Variants in ALDH1L1 observed in about 807,000 individuals in gnomAD.
ALDH1L1 encodes the protein cytosolic 10-formyltetrahydrofolate dehydrogenase.
Under a neutral mutation model 101.1 loss-of-function variants are expected in ALDH1L1, and 68 were observed. That is an observed-to-expected ratio of 0.67 (90% CI 0.55 to 0.82). The LOEUF is 0.82. Among genes scored for constraint, ALDH1L1 ranks in the 40% least tolerant of loss-of-function variants. The probability of loss-of-function intolerance (pLI) is 0.00; values close to 1 mark genes in which losing one functional copy is unlikely to be tolerated. For synonymous variants in ALDH1L1, 486 were observed against 470.8 expected (o/e 1.03, Z -0.42); for missense variants, 1,087 against 1,172.7 (o/e 0.93, Z 1.07).
At chr3:126,135,240 G>A (rs2080405933) in intron 12 of ALDH1L1, 1 of 282,608 alleles carries the variant, frequency 3.5e-6, no homozygotes, top group African/African-American at 2.3e-5. Context: ...GGCCCAGCCT[G>A]CGCCCACTTT....
At chr3:126,180,103 T>C (rs1274912270) in intron 1 of ALDH1L1, 1 of 152,480 alleles carries the variant, frequency 6.6e-6, no homozygotes, top group Non-Finnish European at 1.5e-5. Context: ...TCGCCTTCGC[T>C]GGTCCCTTTC....
chr3:126,122,265 G>T (rs1243136233), intron 16 of ALDH1L1, among the ~76,000 whole-genome samples: 1 of 152,136 alleles, frequency 6.6e-6, no homozygotes, highest in Non-Finnish European at 1.5e-5. Context: ...CACTGTAAAG[G>T]TAATTAGGTA....
At chr3:126,150,712 T>A in intron 7 of ALDH1L1, 181 bp from the exon 8 acceptor site, 5 of 587,716 alleles carry the variant, frequency 8.5e-6, no homozygotes, top group Non-Finnish European at 1.4e-5. Flanking sequence ...CGCACCACCA[T>A]GCCCGACTAA....
At position 126,189,328 on chromosome 3, in the gene ALDH1L1, T is replaced by A. The variant is rs12054358; in HGVS notation, c.-24+8407A>T. Among the ~76,000 whole-genome samples, 2,467 of 152,274 alleles carry A rather than the reference T, an allele frequency of 0.016. 113 individuals carry two copies. In the East Asian group the frequency reaches 0.19, roughly 12 times the overall value. On this transcript the variant is annotated intron_variant, in intron 1 of 2. Coordinates refer to the ALDH1L1 transcript ENST00000509952. Reference sequence around the variant, plus strand: ...AAAACTCAACAGGGAAAGCGTCTCATTAAGAGAAGAGTTTAGTTCCCACGT... The same window carrying A: ...AAAACTCAACAGGGAAAGCGTCTCAATAAGAGAAGAGTTTAGTTCCCACGT...
intron 1 of ALDH1L1, among the ~76,000 whole-genome samples, chr3:126,178,396 GA>G (rs60923667): frequency 0.3 from 37,584 of 123,306 alleles, 5,340 homozygotes; most frequent in African/African-American, 0.43. Context: ...AAAAAAAAAA[GA>G]AAAAAAAAAA....
intron 1 of ALDH1L1, among the ~76,000 whole-genome samples, chr3:126,166,564 C>A (rs73859024): frequency 0.067 from 10,176 of 152,136 alleles, 486 homozygotes; most frequent in East Asian, 0.19. Flanking sequence ...CTCTGTCTTG[C>A]CACTTTTAGT....
chr3:126,110,334 A>ACAT (rs1211177921), intron 19 of ALDH1L1: 1 of 591,658 alleles, frequency 1.7e-6, no homozygotes, highest in Non-Finnish European at 3.0e-6. Context: ...GAGCCCAGCA[A>ACAT]CATATGGGCT....
At chr3:126,196,569 G>A (rs1387597101) in intron 1 of ALDH1L1, among the ~76,000 whole-genome samples, 1 of 152,052 alleles carries the variant, frequency 6.6e-6, no homozygotes, top group Non-Finnish European at 1.5e-5. Flanking sequence ...AATATTTCTG[G>A]CTTCTGAACT....
chr3:126,124,108 C>T lies in ALDH1L1; in HGVS notation c.1888+256G>A, dbSNP rs1371255107. ...AGTAACAAGTTTATTCCAGGGCGCGCGGACACACACACACACACACACACA... is the reference window on the plus strand; with the variant it reads ...AGTAACAAGTTTATTCCAGGGCGCGTGGACACACACACACACACACACACA... On this transcript the variant is annotated intron_variant, in intron 16 of 22. Coordinates refer to ENST00000393434, the MANE Select transcript of ALDH1L1 (RefSeq NM_012190.4). Among the ~76,000 whole-genome samples the T allele has an allele frequency of 6.7e-5, 8 of 119,332 alleles. No homozygotes were observed. In the South Asian group the frequency reaches 1.3e-3, roughly 19 times the overall value. The allele number at this position is 119,332 out of a possible 152,430, so 78.3% of individuals were successfully genotyped here.
chr3:126,183,265 C>T (rs2108350272), upstream of ALDH1L1, among the ~76,000 whole-genome samples: 1 of 152,294 alleles, frequency 6.6e-6, no homozygotes, highest in South Asian at 2.1e-4. Context: ...GTGGGTTTGA[C>T]AGTTGTCTAA....
intron 1 of ALDH1L1, among the ~76,000 whole-genome samples, chr3:126,186,614 A>C (rs1455648057): frequency 6.6e-6 from 1 of 152,032 alleles, no homozygotes; most frequent in Non-Finnish European, 1.5e-5. Context: ...TGTGATCATA[A>C]CAGGGAGCAG....
chr3:126,178,797 G>A (rs2081414747), intron 1 of ALDH1L1, among the ~76,000 whole-genome samples: 1 of 152,066 alleles, frequency 6.6e-6, no homozygotes, highest in Non-Finnish European at 1.5e-5. Context: ...TTTATCTGCA[G>A]GGTAAAAGCC....
At position 126,135,606 on chromosome 3, in the gene ALDH1L1, T is replaced by C; in HGVS notation, c.1401A>G (p.Ala467=). Residue 467 remains alanine (A), a synonymous_variant, in exon 12 of 23, where the codon GCA becomes GCG. Transcript: ENST00000393434. The part of the protein sequence containing the change: ...QVTDVDKAVA[A]AKDAFENGRW... ...GTCCATTCTCAAAGGCATCCTTGGC[T>C]GCGGCCACTGCCTTGTCGACGTCGG... The C allele has an allele frequency of 6.3e-7, 1 of 1,597,064 alleles. No homozygotes were observed.
intron 16 of ALDH1L1, 99 bp from the exon 17 acceptor site, chr3:126,118,197 G>A: frequency 2.1e-6 from 2 of 963,128 alleles, no homozygotes; most frequent in South Asian, 2.8e-5. Flanking sequence ...GGGGTCTGAG[G>A]CCCTCAAAAT....
At position 126,107,140 on chromosome 3, in the gene ALDH1L1, C is replaced by A. The variant is rs780662585; in HGVS notation, c.2453+1G>T. The A allele has an allele frequency of 1.2e-6, 2 of 1,613,562 alleles. No individual in the cohort carries two copies. Among genetic ancestry groups the A allele is most frequent in the South Asian group, 1.1e-5 (1 of 91,082 alleles). The stretch of plus-strand genomic sequence containing the variant: ...CTTGAGACATCAGCAGGATTCCCTA[C>A]CCATCAGCAAACCGAGAGATGATCA... On this transcript the variant is annotated splice_donor_variant, in intron 21 of 22. Transcript: ENST00000393434. LOFTEE classifies it high-confidence loss of function.
intron 5 of ALDH1L1, 86 bp downstream of exon 5, chr3:126,155,316 G>A: frequency 1.6e-6 from 2 of 1,225,506 alleles, no homozygotes; most frequent in East Asian, 2.5e-5. Flanking sequence ...CACCATCTGG[G>A]CTGAACCCCA....
Position 126,148,735 on chromosome 3 carries a change from G to A in ALDH1L1, c.984+1671C>T, listed in dbSNP as rs954420138. On this transcript the variant is annotated intron_variant, in intron 8 of 22. Coordinates refer to ENST00000393434, the MANE Select transcript of ALDH1L1 (RefSeq NM_012190.4). ...TAGAGTTGTTATCATGAATAAACAC[G>A]CCGCTCTTCCAGGAGGATCTGGAAC... 9.2e-5 allele frequency among the ~76,000 whole-genome samples: 14 copies of A among 152,116 alleles called. No individual in the cohort carries two copies. The East Asian group carries it at 1.7e-3, about 19-fold the overall frequency.
chr3:126,126,645 C>T (rs1284442046), intron 14 of ALDH1L1, among the ~76,000 whole-genome samples: 1 of 152,146 alleles, frequency 6.6e-6, no homozygotes, highest in Non-Finnish European at 1.5e-5. Flanking sequence ...TCCCAGGGAG[C>T]AGGTGAAGCC....
At chr3:126,131,790 G>A (rs1279416508) in intron 12 of ALDH1L1, among the ~76,000 whole-genome samples, 1 of 152,240 alleles carries the variant, frequency 6.6e-6, no homozygotes, top group East Asian at 1.9e-4. Context: ...AGTATTTGTG[G>A]ATCCACTACT....
Sources: allele counts gnomAD v4.1 joint callset (sites outside exome capture counted in the v4.1 genomes callset), GRCh38; gene constraint gnomAD v4.1.1; transcripts MANE v1.5; gene names NCBI Gene and HGNC (gene_info 2026-07-23, HGNC 2026-07-21).